LRRC4C: variants seen among roughly 807,000 people sequenced by gnomAD.
LRRC4C encodes the protein leucine rich repeat containing 4C.
In LRRC4C, 5 loss-of-function variants were observed where a neutral mutation model predicts 33.6. That is an observed-to-expected ratio of 0.15 (90% CI 0.08 to 0.31). LRRC4C has a LOEUF of 0.31. Ranked by LOEUF, LRRC4C falls within the 10% of genes least tolerant of loss-of-function variation. The pLI is 1.00. For synonymous variants in LRRC4C, 329 were observed against 302.0 expected, an observed-to-expected ratio of 1.09 and a Z score of -0.93; for missense variants, 560 against 796.7, an observed-to-expected ratio of 0.70 and a Z score of 3.58.
intron 3 of LRRC4C, among the ~76,000 whole-genome samples, chr11:40,333,335 A>G (rs1178188870): frequency 6.6e-6 from 1 of 152,222 alleles, no homozygotes; most frequent in Non-Finnish European, 1.5e-5. Flanking sequence ...TTTTTAATGT[A>G]GAAAAGCCTT....
chr11:40,764,820 TA>T (rs1402851959), intron 2 of LRRC4C, among the ~76,000 whole-genome samples: 1 of 152,168 alleles, frequency 6.6e-6, no homozygotes, highest in Non-Finnish European at 1.5e-5. Flanking sequence ...TCTTGGATTT[TA>T]CCCAAGATCA....
At chr11:40,176,892 T>C (rs1466578546) in intron 5 of LRRC4C, among the ~76,000 whole-genome samples, 2 of 151,444 alleles carry the variant, frequency 1.3e-5, no homozygotes, top group African/African-American at 2.4e-5. Flanking sequence ...TATTATTTAA[T>C]GTAAATCTCC....
intron 1 of LRRC4C, among the ~76,000 whole-genome samples, chr11:41,133,595 T>C (rs1943120714): frequency 6.6e-6 from 1 of 150,734 alleles, no homozygotes; most frequent in African/African-American, 2.4e-5. Context: ...CAAACCTCAT[T>C]ATACTCCCTC....
intron 3 of LRRC4C, among the ~76,000 whole-genome samples, chr11:40,364,178 AAACACAACAACAAC>A (rs1948098855): frequency 6.6e-6 from 1 of 152,180 alleles, no homozygotes; most frequent in Admixed American, 6.6e-5. Flanking sequence ...TCTGGTGTCC[AAACACAACAACAAC>A]AACAAGAAAA....
At chr11:40,118,773 G>A (rs1300092433) in intron 6 of LRRC4C, among the ~76,000 whole-genome samples, 4 of 152,108 alleles carry the variant, frequency 2.6e-5, no homozygotes, top group African/African-American at 4.8e-5. Context: ...ACTCTTAGGG[G>A]TTGGTTACGT....
At chr11:40,877,308 AT>A (rs1954950776) in intron 2 of LRRC4C, among the ~76,000 whole-genome samples, 1 of 152,184 alleles carries the variant, frequency 6.6e-6, no homozygotes, top group African/African-American at 2.4e-5. Flanking sequence ...ACATGTAATT[AT>A]TCAAAGACTT....
At chr11:40,799,414 ACAACATGGTAGAGT>A (rs1240822075) in intron 2 of LRRC4C, among the ~76,000 whole-genome samples, 24 of 152,366 alleles carry the variant, frequency 1.6e-4, no homozygotes, top group African/African-American at 5.8e-4. Flanking sequence ...GTATAAAAAA[ACAACATGGTAGAGT>A]TAAAAGATCA....
chr11:40,723,863 C>A (rs1947154265), intron 2 of LRRC4C, among the ~76,000 whole-genome samples: 1 of 152,018 alleles, frequency 6.6e-6, no homozygotes, highest in South Asian at 2.1e-4. Context: ...TTCAACAGAC[C>A]CATCTCTCAT....
At chr11:41,304,573 G>A (rs1202107519) in intron 1 of LRRC4C, among the ~76,000 whole-genome samples, 1 of 109,644 alleles carries the variant, frequency 9.1e-6, no homozygotes, top group Non-Finnish European at 1.9e-5. Context: ...GGAGGGAGGT[G>A]GGGGGGTCAG....
intron 1 of LRRC4C, among the ~76,000 whole-genome samples, chr11:41,439,940 A>G (rs911376587): frequency 6.6e-6 from 1 of 152,156 alleles, no homozygotes; most frequent in South Asian, 2.1e-4. Context: ...TCTCTCATTC[A>G]GTAAGTTGTA....
In LRRC4C at chr11:40,187,640, G is replaced by A. The variant is rs184645143; in HGVS notation, c.-95-46787C>T. ...GTATACACGCAAGGGCAAAGAGAAG[G>A]AAAGGGACTCTGGCAAGTTAGATGT... On this transcript the variant is annotated intron_variant, in intron 5 of 6. Transcript: ENST00000528697. 1.3e-3 allele frequency among the ~76,000 whole-genome samples: 196 copies of A among 152,106 alleles called. 1 individual carries two copies. Among genetic ancestry groups the A allele is most frequent in the African/African-American group, 4.6e-3 (189 of 41,530 alleles).
chr11:41,303,044 G>C (rs899709379), intron 1 of LRRC4C, among the ~76,000 whole-genome samples: 1 of 151,356 alleles, frequency 6.6e-6, no homozygotes, highest in Admixed American at 6.6e-5. Context: ...ATGTTTTTTG[G>C]TGTTTATATG....
At chr11:41,200,112 G>T (rs1946345360) in intron 1 of LRRC4C, among the ~76,000 whole-genome samples, 1 of 151,958 alleles carries the variant, frequency 6.6e-6, no homozygotes. Context: ...CTTCTGAAAT[G>T]AGTTAACTTA....
chr11:40,416,290 G>A (rs183246811), intron 3 of LRRC4C, among the ~76,000 whole-genome samples: 65 of 152,240 alleles, frequency 4.3e-4, no homozygotes, highest in African/African-American at 1.5e-3. Context: ...AAGTTAGAAC[G>A]TCTTGCCAAG....
chr11:41,408,756 A>AAAAACAAAACAAAC (rs1555167142), intron 1 of LRRC4C, among the ~76,000 whole-genome samples: 1 of 140,742 alleles, frequency 7.1e-6, no homozygotes, highest in African/African-American at 3.2e-5. Context: ...GTAAAAAAAA[A>AAAAACAAAACAAAC]AAAAAAAAAA....
intron 1 of LRRC4C, among the ~76,000 whole-genome samples, chr11:41,001,244 G>A (rs1361826010): frequency 6.6e-6 from 1 of 151,982 alleles, no homozygotes; most frequent in Admixed American, 6.6e-5. Flanking sequence ...TCAAAACCTG[G>A]GAGTCTCCAG....
rs1380167146 is a variant in LRRC4C, at chr11:40,991,207, A to T, written c.-495-57484T>A. Among the ~76,000 whole-genome samples, 11 of 56,004 alleles carry T rather than the reference A, an allele frequency of 2.0e-4. No homozygotes were observed. The South Asian group carries it at 4.6e-3, about 24-fold the overall frequency. The allele number at this position is 56,004 out of a possible 152,430, so 36.7% of individuals were successfully genotyped here. ...AACCTGGCAGCTTCCCAATATGTAA[A>T]AAAAAAAAAAAAAAAAAAAAAATCT... On this transcript the variant is annotated intron_variant, in intron 1 of 6. Coordinates refer to ENST00000528697, the MANE Select transcript of LRRC4C (RefSeq NM_001258419.2).
At chr11:40,583,515 C>G (rs1262661163) in intron 3 of LRRC4C, among the ~76,000 whole-genome samples, 1 of 152,148 alleles carries the variant, frequency 6.6e-6, no homozygotes, top group African/African-American at 2.4e-5. Context: ...TTCCTCATCT[C>G]TATTTGTTTG....
At chr11:40,674,201 G>A (rs1024315167) in intron 2 of LRRC4C, among the ~76,000 whole-genome samples, 11 of 152,012 alleles carry the variant, frequency 7.2e-5, no homozygotes, top group Admixed American at 2.6e-4. Context: ...GACTTTCATC[G>A]TTAATCTAAA....
Sources: allele counts gnomAD v4.1 joint callset (sites outside exome capture counted in the v4.1 genomes callset), GRCh38; gene constraint gnomAD v4.1.1; transcripts MANE v1.5; gene names NCBI Gene and HGNC (gene_info 2026-07-23, HGNC 2026-07-21).